The following R3HDM1 variants were observed in gnomAD, a reference collection of about 807,000 sequenced individuals.
R3HDM1 encodes the protein R3H domain containing 1.
In R3HDM1, 46 loss-of-function variants were observed where a neutral mutation model predicts 141.1. That is an observed-to-expected ratio of 0.33 (90% CI 0.26 to 0.42). The LOEUF is 0.42. R3HDM1 is among the 10% of genes least tolerant of loss of function. The pLI is 1.00. For missense variants in R3HDM1, 1,184 were observed against 1,368.3 expected (o/e 0.87, Z 2.12); for synonymous variants, 435 against 472.9 (o/e 0.92, Z 1.04).
In R3HDM1 at chr2:135,577,148, T is replaced by C. The variant is rs1450623605; in HGVS notation, c.-249-25352T>C. On this transcript the variant is annotated intron_variant, in intron 1 of 26. Transcript: ENST00000683871. ...TGTTTTCTTATTTAACCTTTGTGTA[T>C]GAAAAAGGCTTTTGGGCTATGACTC... 5 of 979,278 alleles carry C rather than the reference T, an allele frequency of 5.1e-6. No individual in the cohort carries two copies. The African/African-American group carries it at 8.8e-5, about 17-fold the overall frequency. The allele number at this position is 979,278 out of a possible 1,614,324, so 60.7% of individuals were successfully genotyped here.
chr2:135,719,159 TTTAA>T (rs1030691703), intron 24 of R3HDM1, among the ~76,000 whole-genome samples: 31 of 148,382 alleles, frequency 2.1e-4, no homozygotes, highest in East Asian at 6.1e-4. Context: ...AAATAAATAA[TTTAA>T]TTAATTAATT....
At chr2:135,578,477 C>T (rs1706014100) in intron 1 of R3HDM1, among the ~76,000 whole-genome samples, 2 of 152,150 alleles carry the variant, frequency 1.3e-5, no homozygotes, top group Admixed American at 1.3e-4. Flanking sequence ...GACTTTGACT[C>T]TCAGAACCCT....
chr2:135,629,903 A>G (rs2062462601), intron 7 of R3HDM1, among the ~76,000 whole-genome samples: 1 of 152,170 alleles, frequency 6.6e-6, no homozygotes, highest in African/African-American at 2.4e-5. Flanking sequence ...AAGATCAGGG[A>G]AGATACAGGG....
At chr2:135,538,249 T>TA (rs1696663133) in intron 1 of R3HDM1, among the ~76,000 whole-genome samples, 1 of 152,204 alleles carries the variant, frequency 6.6e-6, no homozygotes, top group Non-Finnish European at 1.5e-5. Flanking sequence ...CAAGGTATGG[T>TA]AAAAATAAGG....
At chr2:135,682,858 G>A (rs891251329) in intron 21 of R3HDM1, among the ~76,000 whole-genome samples, 4 of 152,046 alleles carry the variant, frequency 2.6e-5, no homozygotes, top group South Asian at 2.1e-4. Context: ...TTAGCCAGGC[G>A]TGGTGGCGAG....
At chr2:135,667,396 A>T (rs894643774) in intron 19 of R3HDM1, among the ~76,000 whole-genome samples, 37 of 47,832 alleles carry the variant, frequency 7.7e-4, no homozygotes, top group African/African-American at 9.9e-4. Context: ...GTAGTGTTTT[A>T]AAAAAAAAAA....
At chr2:135,574,002 G>A (rs1468997671) in intron 1 of R3HDM1, among the ~76,000 whole-genome samples, 1 of 152,060 alleles carries the variant, frequency 6.6e-6, no homozygotes, top group Non-Finnish European at 1.5e-5. Context: ...AGCATACCCA[G>A]AAGGAAATAA....
rs1449500231 is a variant in R3HDM1, at chr2:135,645,497, A to G, written c.1593A>G (p.Gln531=). Residue 531 remains glutamine (Q), a synonymous_variant, in exon 16 of 27, where the codon CAA becomes CAG. Transcript: ENST00000683871. ...AGCCACCTCTGCCAGCCCCACCTCA[A>G]CAACCAGCAGCTAATCACATTTTCT... ...PPQPPLPAPP[Q]QPAANHIFSQ... 3 of 1,613,952 alleles carry G rather than the reference A, an allele frequency of 1.9e-6. No homozygotes were observed. Among genetic ancestry groups the G allele is most frequent in the African/African-American group, 2.7e-5 (2 of 74,894 alleles).
intron 21 of R3HDM1, among the ~76,000 whole-genome samples, chr2:135,702,984 C>T (rs970372031): frequency 6.6e-6 from 1 of 152,130 alleles, no homozygotes; most frequent in Non-Finnish European, 1.5e-5. Context: ...TCTGCTAATA[C>T]GCTGCTTGAT....
At chr2:135,555,903 C>T (rs1700668004) in intron 1 of R3HDM1, among the ~76,000 whole-genome samples, 1 of 152,070 alleles carries the variant, frequency 6.6e-6, no homozygotes, top group South Asian at 2.1e-4. Context: ...GTGGTCCCAG[C>T]TACGTGGGAA....
intron 24 of R3HDM1, among the ~76,000 whole-genome samples, chr2:135,719,411 G>C (rs1318482521): frequency 6.7e-6 from 1 of 148,810 alleles, no homozygotes; most frequent in Admixed American, 6.7e-5. Flanking sequence ...CTGGGAGGCA[G>C]AGGTTGCAGT....
chr2:135,598,478 G>A lies in R3HDM1; in HGVS notation c.-249-4022G>A, dbSNP rs575327573. Reference sequence around the variant, plus strand: ...ATTACTCTTGAAATGAAAGTGCTCCGTAAACACAAATTGCCCCTCTTCTTG... The same window carrying A: ...ATTACTCTTGAAATGAAAGTGCTCCATAAACACAAATTGCCCCTCTTCTTG... On this transcript the variant is annotated intron_variant, in intron 1 of 26. Transcript: ENST00000683871. Among the ~76,000 whole-genome samples the A allele has an allele frequency of 5.9e-5, 9 of 152,222 alleles. No individual in the cohort carries two copies. In the South Asian group the frequency reaches 1.0e-3, roughly 18 times the overall value.
intron 21 of R3HDM1, among the ~76,000 whole-genome samples, chr2:135,683,149 A>G (rs566820606): frequency 2.6e-5 from 4 of 152,354 alleles, no homozygotes; most frequent in Admixed American, 1.3e-4. Flanking sequence ...TAGAGTACCA[A>G]TGTGAGAAAT....
chr2:135,555,609 C>A (rs374061980), intron 1 of R3HDM1, among the ~76,000 whole-genome samples: 1 of 152,170 alleles, frequency 6.6e-6, no homozygotes, highest in African/African-American at 2.4e-5. Flanking sequence ...CAAAACTGTA[C>A]ACCAACGTTT....
chr2:135,618,463 ATTTTTT>A (rs755774961), intron 5 of R3HDM1, among the ~76,000 whole-genome samples: 1 of 124,110 alleles, frequency 8.1e-6, no homozygotes, highest in South Asian at 2.6e-4. Context: ...CGCCCGGCTG[ATTTTTT>A]TTTTTTTTTT....
Position 135,531,596 on chromosome 2 carries a change from G to T in R3HDM1, c.-287G>T. On this transcript the variant is annotated 5_prime_UTR_variant, in exon 1 of 27. Transcript: ENST00000683871. The stretch of plus-strand genomic sequence containing the variant: ...CCCAGCCCCGCCGTCGCCCCGCCGC[G>T]CCGCGCTCCAACCGCCTCCTCCTCC... 1 of 986,778 alleles carries T rather than the reference G, an allele frequency of 1.0e-6. No homozygotes were observed. The highest frequency in any genetic ancestry group is 1.2e-6 in the Non-Finnish European group (1 of 830,688). The allele number at this position is 986,778 out of a possible 1,614,324, so 61.1% of individuals were successfully genotyped here.
intron 5 of R3HDM1, chr2:135,620,657 G>A (rs1405472185): frequency 1.0e-6 from 1 of 971,416 alleles, no homozygotes; most frequent in Non-Finnish European, 1.2e-6. Flanking sequence ...CTAAAAATAG[G>A]CTACACTTTT....
Position 135,581,034 on chromosome 2 carries a change from C to T in R3HDM1, c.-249-21466C>T, listed in dbSNP as rs189289174. 3.9e-5 allele frequency among the ~76,000 whole-genome samples: 6 copies of T among 152,280 alleles called. No individual in the cohort carries two copies. The East Asian group carries it at 1.2e-3, about 29-fold the overall frequency. Reference sequence around the variant, plus strand: ...CCATGGCATCCTTTAGTTCCCCTGTCCTGGCACTTACTACTCTATTATAAT... The same window carrying T: ...CCATGGCATCCTTTAGTTCCCCTGTTCTGGCACTTACTACTCTATTATAAT... On this transcript the variant is annotated intron_variant, in intron 1 of 26. Coordinates refer to ENST00000683871, the MANE Select transcript of R3HDM1 (RefSeq NM_001378107.1).
Position 135,602,630 on chromosome 2 carries a change from C to A in R3HDM1, c.-119C>A. ...TCACTACAGTTGACATCCTGGCTGACAACTGTGAAAAAGAACCTTGGATTA... is the reference window on the plus strand; with the variant it reads ...TCACTACAGTTGACATCCTGGCTGAAAACTGTGAAAAAGAACCTTGGATTA... On this transcript the variant is annotated 5_prime_UTR_variant, in exon 2 of 27. Transcript: ENST00000683871. 1 of 1,547,890 alleles carries A rather than the reference C, an allele frequency of 6.5e-7. No individual in the cohort carries two copies. Among genetic ancestry groups the A allele is most frequent in the East Asian group, 2.5e-5 (1 of 40,758 alleles).
Sources: allele counts gnomAD v4.1 joint callset (sites outside exome capture counted in the v4.1 genomes callset), GRCh38; gene constraint gnomAD v4.1.1; transcripts MANE v1.5; gene names NCBI Gene and HGNC (gene_info 2026-07-23, HGNC 2026-07-21).